The following KDM5D variants were observed in gnomAD, a reference collection of about 807,000 sequenced individuals.
The protein encoded by KDM5D is lysine-specific demethylase 5D.
A neutral mutation model predicts 31.9 loss-of-function variants in KDM5D; 25 were observed. The ratio of observed to expected loss-of-function variants is 0.78; its 90% confidence interval spans 0.57 to 1.09. The LOEUF (loss-of-function observed/expected upper bound fraction) is 1.09, where lower values mean the gene tolerates loss of function less well. Ranked by LOEUF, KDM5D falls within the 50% of genes least tolerant of loss-of-function variation. The pLI, the probability that KDM5D is intolerant of heterozygous loss-of-function variation, is 0.00. For missense variants in KDM5D, 366 were observed against 341.6 expected (o/e 1.07, Z -0.56); for synonymous variants, 146 against 122.3 (o/e 1.19, Z -1.28).
intron 13 of KDM5D, among the ~76,000 whole-genome samples, chrY:19,718,656 G>A (rs756548321): frequency 3.0e-5 from 1 of 33,565 alleles, no homozygotes; most frequent in African/African-American, 1.2e-4. Context: ...CAAACTGTTC[G>A]GTTTAAGATG....
intron 11 of KDM5D, among the ~76,000 whole-genome samples, chrY:19,727,259 G>A (rs983990795): frequency 6.0e-5 from 2 of 33,268 alleles, no homozygotes; most frequent in African/African-American, 1.2e-4. Context: ...AAAACTGAAG[G>A]AGGTGAAAAA....
Position 19,705,759 on chromosome Y carries a change from T to G in KDM5D, c.*236A>C. ...TATTCAGACTAGAATGAAACTGGTTTAGGAAATCACTCCTGTATGCTAGCA... is the reference window on the plus strand; with the variant it reads ...TATTCAGACTAGAATGAAACTGGTTGAGGAAATCACTCCTGTATGCTAGCA... On this transcript the variant is annotated 3_prime_UTR_variant, in exon 27 of 27. Transcript: ENST00000317961. 1 of 119,284 alleles carries G rather than the reference T, an allele frequency of 8.4e-6. No homozygotes were observed. The highest frequency in any genetic ancestry group is 9.3e-5 in the African/African-American group (1 of 10,785). 29.8% of individuals were successfully genotyped at this position (119,284 alleles called of 400,897 possible). A position where few individuals can be genotyped will look rare whatever the true frequency, so the allele number is the denominator to read the frequency against.
chrY:19,718,994 C>A, intron 13 of KDM5D, among the ~76,000 whole-genome samples: 1 of 31,227 alleles, frequency 3.2e-5, no homozygotes, highest in Non-Finnish European at 7.8e-5. Context: ...AACGGTGAAA[C>A]CCCGTCTCTA....
intron 6 of KDM5D, among the ~76,000 whole-genome samples, chrY:19,738,616 A>C (rs768245210): frequency 8.1e-3 from 277 of 34,101 alleles, no homozygotes; most frequent in Middle Eastern, 0.041. Flanking sequence ...TGATGTTTTA[A>C]CATCTTAAAT....
intron 20 of KDM5D, 64 bp from the exon 21 acceptor site, chrY:19,709,077 T>C: frequency 3.4e-6 from 1 of 293,394 alleles, no homozygotes; most frequent in South Asian, 3.6e-5. Context: ...GCCCCTTTTC[T>C]AAGTCCTAGG....
In KDM5D at chrY:19,706,881, T is replaced by C; in HGVS notation, c.4000-18A>G. 2.6e-6 allele frequency: 1 copy of C among 378,857 alleles called. No individual in the cohort carries two copies. Among genetic ancestry groups the C allele is most frequent in the African/African-American group, 6.3e-5 (1 of 15,900 alleles). 94.5% of individuals were successfully genotyped at this position (378,857 alleles called of 400,897 possible). On this transcript the variant is annotated intron_variant, in intron 24 of 26. Coordinates refer to ENST00000317961, the MANE Select transcript of KDM5D (RefSeq NM_004653.5). ...CCTTGGACCTATCGGAAAAAAAGAATGGGTAACAATAATTGAGCTGATGAA... is the reference window on the plus strand; with the variant it reads ...CCTTGGACCTATCGGAAAAAAAGAACGGGTAACAATAATTGAGCTGATGAA...
At chrY:19,709,086 G>A in intron 20 of KDM5D, 73 bp from the exon 21 acceptor site, 1 of 268,774 alleles carries the variant, frequency 3.7e-6, no homozygotes, top group Non-Finnish European at 5.7e-6. Context: ...CTAAGTCCTA[G>A]GTTTCCTTGC....
intron 11 of KDM5D, among the ~76,000 whole-genome samples, chrY:19,726,540 C>A (rs2045434593): frequency 2.2e-4 from 7 of 31,532 alleles, no homozygotes; most frequent in Non-Finnish European, 3.8e-4. Context: ...TCTGTCAGGG[C>A]TGGGGGGCCT....
Position 19,715,851 on chromosome Y carries a change from T to C in KDM5D, c.2185A>G (p.Lys729Glu). 2.5e-6 allele frequency: 1 copy of C among 398,839 alleles called. No individual in the cohort carries two copies. The highest frequency in any genetic ancestry group is 3.0e-5 in the South Asian group (1 of 33,796). The stretch of plus-strand genomic sequence containing the variant: ...AGGTACTGTCGGCTACTAGAGCACT[T>C]GCAGAGGTCATTGATGTGGGAAAGG... Reference protein sequence around the residue: ...VCLSHINDLCKCSSSRQYLRY... With the variant: ...VCLSHINDLCECSSSRQYLRY... Residue 729 changes from lysine (K) to glutamate (E), a missense_variant, in exon 16 of 27, where the codon AAG becomes GAG. By Grantham distance (56) the Lys-to-Glu change is moderately conservative. Transcript: ENST00000317961.
intron 20 of KDM5D, among the ~76,000 whole-genome samples, 188 bp downstream of exon 20, chrY:19,709,262 CA>C (rs2045275586): frequency 3.0e-5 from 1 of 33,461 alleles, no homozygotes; most frequent in Non-Finnish European, 7.4e-5. Context: ...GTTGCCTTTA[CA>C]ACAGTGAAAC....
chrY:19,732,560 G>C, intron 9 of KDM5D, 24 bp downstream of exon 9: 1 of 371,387 alleles, frequency 2.7e-6, no homozygotes, highest in South Asian at 3.4e-5. Flanking sequence ...CAAAAATAAA[G>C]CATCTGTGAC....
intron 11 of KDM5D, among the ~76,000 whole-genome samples, chrY:19,725,985 C>A: frequency 1.8e-4 from 6 of 33,708 alleles, no homozygotes; most frequent in Admixed American, 1.3e-3. Flanking sequence ...AAATGCAAAT[C>A]AAAACCACAA....
chrY:19,729,676 T>C (rs755682227), intron 11 of KDM5D, among the ~76,000 whole-genome samples: 3 of 33,952 alleles, frequency 8.8e-5, no homozygotes, highest in Admixed American at 2.7e-4. Context: ...CACATATATA[T>C]GTATTAGTTA....
At chrY:19,718,656 G>C (rs756548321) in intron 13 of KDM5D, among the ~76,000 whole-genome samples, 65 of 33,565 alleles carry the variant, frequency 1.9e-3, no homozygotes, top group South Asian at 0.011. Context: ...CAAACTGTTC[G>C]GTTTAAGATG....
chrY:19,712,190 T>C, intron 18 of KDM5D, among the ~76,000 whole-genome samples: 1 of 32,924 alleles, frequency 3.0e-5, no homozygotes, highest in Non-Finnish European at 7.5e-5. Context: ...TTAAATAGAG[T>C]AGTTTATCTA....
intron 11 of KDM5D, among the ~76,000 whole-genome samples, chrY:19,725,002 G>A (rs777365184): frequency 3.0e-5 from 1 of 32,938 alleles, no homozygotes; most frequent in South Asian, 6.8e-4. Flanking sequence ...CAACTTACAA[G>A]GGATATGAAA....
chrY:19,709,839 C>A (rs1185193907), intron 19 of KDM5D, 30 bp from the exon 20 acceptor site: 4 of 392,882 alleles, frequency 1.0e-5, no homozygotes. Context: ...AATGCAGATT[C>A]TTTAGCCACA....
In KDM5D at chrY:19,744,502, T is replaced by G. The variant is rs771587168; in HGVS notation, c.33A>C (p.Pro11=). ...TAGGCTCAAAAACCGGGCACTCCGG[T>G]GGCGGCAGGAACTCGTCACACCCCG... The part of the protein sequence containing the change: MEPGCDEFLP[P]PECPVFEPSW... Residue 11 remains proline (P), a synonymous_variant, in exon 2 of 27, where the codon CCA becomes CCC. Coordinates refer to ENST00000317961, the MANE Select transcript of KDM5D (RefSeq NM_004653.5). 2.5e-6 allele frequency: 1 copy of G among 396,961 alleles called. No individual in the cohort carries two copies. The highest frequency in any genetic ancestry group is 7.4e-5 in the Admixed American group (1 of 13,471).
At chrY:19,718,709 C>A (rs2045366574) in intron 13 of KDM5D, among the ~76,000 whole-genome samples, 1 of 33,408 alleles carries the variant, frequency 3.0e-5, no homozygotes, top group Admixed American at 2.7e-4. Context: ...AAACATATCC[C>A]CCAAAAAAAC....
Sources: allele counts gnomAD v4.1 joint callset (sites outside exome capture counted in the v4.1 genomes callset), GRCh38; gene constraint gnomAD v4.1.1; transcripts MANE v1.5; gene names NCBI Gene and HGNC (gene_info 2026-07-23, HGNC 2026-07-21).